HS6ST3: variants seen among roughly 807,000 people sequenced by gnomAD.
HS6ST3 encodes the protein heparan sulfate 6-O-sulfotransferase 3.
HS6ST3 carries 12 observed loss-of-function variants against 36.7 expected under a neutral mutation model. The ratio of observed to expected loss-of-function variants is 0.33; its 90% confidence interval spans 0.21 to 0.53. The LOEUF (loss-of-function observed/expected upper bound fraction) is 0.53, where lower values mean the gene tolerates loss of function less well. Among genes scored for constraint, HS6ST3 ranks in the 20% least tolerant of loss-of-function variants. The probability of loss-of-function intolerance (pLI) is 0.95; values close to 1 mark genes in which losing one functional copy is unlikely to be tolerated. For synonymous variants in HS6ST3, 240 were observed against 257.5 expected (o/e 0.93, Z 0.65); for missense variants, 584 against 640.9 (o/e 0.91, Z 0.96).
intron 1 of HS6ST3, among the ~76,000 whole-genome samples, chr13:96,339,022 C>T (rs771200552): frequency 9.9e-5 from 15 of 151,872 alleles, no homozygotes; most frequent in African/African-American, 2.2e-4. Context: ...GCCTGCTGTA[C>T]GTTGGGATAT....
intron 1 of HS6ST3, among the ~76,000 whole-genome samples, chr13:96,551,046 A>G (rs1016078627): frequency 6.6e-6 from 1 of 152,202 alleles, no homozygotes; most frequent in East Asian, 1.9e-4. Context: ...TGTCATGTAA[A>G]CAACCTAAAT....
chr13:96,503,412 A>G (rs2056013427), intron 1 of HS6ST3, among the ~76,000 whole-genome samples: 1 of 152,204 alleles, frequency 6.6e-6, no homozygotes. Flanking sequence ...ACAATTAGCA[A>G]CACACTAGAG....
intron 1 of HS6ST3, among the ~76,000 whole-genome samples, chr13:96,685,156 C>G (rs1318065500): frequency 1.3e-5 from 2 of 152,044 alleles, no homozygotes; most frequent in Non-Finnish European, 2.9e-5. Context: ...CTATTATTCT[C>G]TCTGCCATGA....
At chr13:96,479,438 T>C (rs2055880061) in intron 1 of HS6ST3, among the ~76,000 whole-genome samples, 2 of 152,122 alleles carry the variant, frequency 1.3e-5, no homozygotes, top group South Asian at 4.1e-4. Flanking sequence ...TGGGGAATCA[T>C]TGAATGATTT....
chr13:96,706,413 T>TTTTATATATATATATA (rs5805987), intron 1 of HS6ST3, among the ~76,000 whole-genome samples: 2 of 121,058 alleles, frequency 1.7e-5, no homozygotes, highest in Admixed American at 1.7e-4. Context: ...AGAATATATT[T>TTTTATATATATATATA]TATATATATA....
intron 1 of HS6ST3, among the ~76,000 whole-genome samples, chr13:96,348,619 A>G (rs1277591956): frequency 1.3e-5 from 2 of 152,296 alleles, no homozygotes; most frequent in Non-Finnish European, 2.9e-5. Context: ...GCCCTCACAG[A>G]GGTACTTGAG....
At chr13:96,413,858 A>G (rs1474703823) in intron 1 of HS6ST3, among the ~76,000 whole-genome samples, 1 of 152,212 alleles carries the variant, frequency 6.6e-6, no homozygotes, top group African/African-American at 2.4e-5. Flanking sequence ...ATTTGACCTC[A>G]AAATCCGTGG....
At chr13:96,360,686 C>T (rs1228210169) in intron 1 of HS6ST3, among the ~76,000 whole-genome samples, 1 of 150,848 alleles carries the variant, frequency 6.6e-6, no homozygotes, top group Non-Finnish European at 1.5e-5. Context: ...TGGCTCAACG[C>T]CTGTAATCCC....
chr13:96,126,895 C>G (rs1042901551), intron 1 of HS6ST3, among the ~76,000 whole-genome samples: 1 of 152,126 alleles, frequency 6.6e-6, no homozygotes. Context: ...CACCTCCTTT[C>G]CTCTACCCCC....
intron 1 of HS6ST3, among the ~76,000 whole-genome samples, chr13:96,146,091 G>A (rs1385319619): frequency 6.6e-6 from 1 of 152,158 alleles, no homozygotes; most frequent in Non-Finnish European, 1.5e-5. Context: ...GTAGCATGAT[G>A]CCTCCAGCTT....
At chr13:96,601,691 C>A (rs2056422156) in intron 1 of HS6ST3, among the ~76,000 whole-genome samples, 1 of 151,798 alleles carries the variant, frequency 6.6e-6, no homozygotes, top group Non-Finnish European at 1.5e-5. Flanking sequence ...TCTTTTTTTT[C>A]ATATTACGAG....
intron 1 of HS6ST3, among the ~76,000 whole-genome samples, chr13:96,142,936 G>A (rs2054039214): frequency 6.6e-6 from 1 of 151,998 alleles, no homozygotes; most frequent in African/African-American, 2.4e-5. Flanking sequence ...AAGTGCTGAT[G>A]CTTTCCGAGA....
At chr13:96,413,500 G>A (rs998316841) in intron 1 of HS6ST3, among the ~76,000 whole-genome samples, 28 of 152,102 alleles carry the variant, frequency 1.8e-4, no homozygotes, top group African/African-American at 4.8e-4. Context: ...AAGACTTTTC[G>A]AACGATTAAC....
intron 1 of HS6ST3, among the ~76,000 whole-genome samples, chr13:96,418,812 T>A (rs1395532931): frequency 2.6e-5 from 4 of 152,216 alleles, no homozygotes; most frequent in Non-Finnish European, 5.9e-5. Flanking sequence ...TGTGCCAGGT[T>A]CTTGCTTCTC....
chr13:96,597,193 C>T (rs558094866), intron 1 of HS6ST3, among the ~76,000 whole-genome samples: 6 of 151,874 alleles, frequency 4.0e-5, no homozygotes, highest in South Asian at 2.1e-4. Context: ...TACTGGAGGG[C>T]GAAGGGTAGG....
chr13:96,242,785 AATAGAATTACC>A (rs2054567074), intron 1 of HS6ST3, among the ~76,000 whole-genome samples: 1 of 152,186 alleles, frequency 6.6e-6, no homozygotes, highest in Non-Finnish European at 1.5e-5. Context: ...AAGATTTAGA[AATAGAATTACC>A]ATAGAATCCA....
chr13:96,399,989 G>A (rs988484175), intron 1 of HS6ST3, among the ~76,000 whole-genome samples: 1 of 152,010 alleles, frequency 6.6e-6, no homozygotes, highest in Non-Finnish European at 1.5e-5. Flanking sequence ...GGGGAGATTG[G>A]TCTTATCATT....
At chr13:96,777,873 C>T (rs1877428600) in intron 1 of HS6ST3, among the ~76,000 whole-genome samples, 1 of 152,144 alleles carries the variant, frequency 6.6e-6, no homozygotes, top group Admixed American at 6.5e-5. Flanking sequence ...CAAGACAATC[C>T]TAAGCAAAAA....
intron 1 of HS6ST3, among the ~76,000 whole-genome samples, chr13:96,104,311 G>A (rs1417757861): frequency 6.6e-6 from 1 of 152,152 alleles, no homozygotes; most frequent in Non-Finnish European, 1.5e-5. Flanking sequence ...ATTTTCATAT[G>A]TGAAGCCTAG....
Sources: allele counts gnomAD v4.1 joint callset (sites outside exome capture counted in the v4.1 genomes callset), GRCh38; gene constraint gnomAD v4.1.1; transcripts MANE v1.5; gene names NCBI Gene and HGNC (gene_info 2026-07-23, HGNC 2026-07-21).